Variants in MRNIP observed in about 807,000 individuals in gnomAD.
MRNIP encodes the protein MRN complex interacting protein.
In MRNIP, 30 loss-of-function variants were observed where a neutral mutation model predicts 29.8. The observed-to-expected ratio is 1.01, with a 90% CI of 0.75 to 1.36. The LOEUF (loss-of-function observed/expected upper bound fraction) is 1.36. Among genes scored for constraint, MRNIP ranks in the 40% most tolerant of loss-of-function variants. The pLI, the probability that MRNIP is intolerant of heterozygous loss-of-function variation, is 0.00. For synonymous variants in MRNIP, 201 were observed against 164.1 expected (o/e 1.23, Z -1.72); for missense variants, 459 against 423.5 (o/e 1.08, Z -0.74).
intron 3 of MRNIP, chr5:179,846,187 T>A (rs892347305): frequency 2.0e-5 from 3 of 152,238 alleles, no homozygotes; most frequent in African/African-American, 7.2e-5. Flanking sequence ...TTCTGACTGT[T>A]GATCTTTTGC....
chr5:179,839,302 G>T (rs1582037025), intron 6 of MRNIP: 1 of 150,890 alleles, frequency 6.6e-6, no homozygotes, highest in South Asian at 2.1e-4. Flanking sequence ...AAAGGGAAAA[G>T]CAATGTGAAA....
In MRNIP at chr5:179,844,705, C is replaced by T. The variant is rs934322288; in HGVS notation, c.216-478G>A. Among the ~76,000 whole-genome samples, 4 of 152,094 alleles carry T rather than the reference C, an allele frequency of 2.6e-5. No homozygotes were observed. In the East Asian group the frequency reaches 7.7e-4, roughly 29 times the overall value. On this transcript the variant is annotated intron_variant, in intron 3 of 6. Transcript: ENST00000292586. Reference sequence around the variant, plus strand: ...CCTCCCAAAGTGCTGGGATTACAAGCGTGAAGTACGCATCCAGCTGGTATT... The same window carrying T: ...CCTCCCAAAGTGCTGGGATTACAAGTGTGAAGTACGCATCCAGCTGGTATT...
At chr5:179,854,865 T>C (rs959691521) in intron 1 of MRNIP, among the ~76,000 whole-genome samples, 1 of 152,164 alleles carries the variant, frequency 6.6e-6, no homozygotes, top group Admixed American at 6.5e-5. Flanking sequence ...TCTTAACATA[T>C]AAAATGCCTA....
At chr5:179,855,132 T>G (rs1304515088) in intron 1 of MRNIP, among the ~76,000 whole-genome samples, 2 of 142,518 alleles carry the variant, frequency 1.4e-5, no homozygotes, top group Admixed American at 1.3e-4. Context: ...AAGCCAATTT[T>G]TTAATTTTAA....
In MRNIP at chr5:179,858,808, CA is replaced by C; in HGVS notation, c.-13del. 1 of 1,539,324 alleles carries C rather than the reference CA, an allele frequency of 6.5e-7. No individual in the cohort carries two copies. The highest frequency in any genetic ancestry group is 2.0e-5 in the Admixed American group (1 of 50,348). ...TGAAGCGACGCCATCCCTGCTTGTGCAGTCGCCAGGCAGCCAAGCGCGTGCG... is the reference window on the plus strand; with the variant it reads ...TGAAGCGACGCCATCCCTGCTTGTGCGTCGCCAGGCAGCCAAGCGCGTGCG... On this transcript the variant is annotated 5_prime_UTR_variant, in exon 1 of 7. Coordinates refer to ENST00000292586, the MANE Select transcript of MRNIP (RefSeq NM_016175.4).
intron 2 of MRNIP, among the ~76,000 whole-genome samples, chr5:179,852,285 CAA>C (rs76075703): frequency 1.9e-5 from 2 of 103,664 alleles, no homozygotes. Context: ...GACTCCATGT[CAA>C]AAAAAAAAAA....
chr5:179,840,600 G>A, intron 6 of MRNIP: 2 of 571,464 alleles, frequency 3.5e-6, no homozygotes, highest in East Asian at 3.0e-5. Flanking sequence ...CCATCGTCAG[G>A]TTGACCTGCT....
Position 179,842,068 on chromosome 5 carries a change from C to A in MRNIP, c.292-4G>T. The A allele has an allele frequency of 1.2e-6, 2 of 1,611,292 alleles. No homozygotes were observed. The highest frequency in any genetic ancestry group is 2.2e-5 in the South Asian group (2 of 90,550). ...TCTCTGAGGGCTGCGATTTTTCCTG[C>A]CAGATTGAGAAAAAAGTTGATTCTC... On this transcript the variant is annotated splice_region_variant and splice_polypyrimidine_tract_variant and intron_variant, in intron 4 of 6. Coordinates refer to ENST00000292586, the MANE Select transcript of MRNIP (RefSeq NM_016175.4).
At chr5:179,848,111 A>G (rs1271891147) in intron 2 of MRNIP, 45 bp from the exon 3 acceptor site, 1 of 1,449,764 alleles carries the variant, frequency 6.9e-7, no homozygotes, top group East Asian at 2.3e-5. Context: ...TGCTGGCAGA[A>G]TGCTGAGAAA....
At chr5:179,857,074 G>A (rs889261185) in intron 1 of MRNIP, among the ~76,000 whole-genome samples, 3 of 152,118 alleles carry the variant, frequency 2.0e-5, no homozygotes, top group African/African-American at 7.2e-5. Context: ...GCGACAAAGC[G>A]AGACCTTGTC....
chr5:179,856,456 C>T (rs984455452), intron 1 of MRNIP, among the ~76,000 whole-genome samples: 1 of 152,016 alleles, frequency 6.6e-6, no homozygotes, highest in Admixed American at 6.6e-5. Flanking sequence ...GACTTGCCGT[C>T]CTCTTTGGTT....
chr5:179,842,248 G>T (rs942241090), intron 4 of MRNIP, among the ~76,000 whole-genome samples, 184 bp from the exon 5 acceptor site: 6 of 152,104 alleles, frequency 3.9e-5, no homozygotes, highest in Admixed American at 2.6e-4. Context: ...AGTGCTCACT[G>T]GCACAGGCCT....
At position 179,837,527 on chromosome 5, in the gene MRNIP, G is replaced by T. The variant is rs2113528527; in HGVS notation, c.896C>A (p.Pro299His). 4 of 1,614,218 alleles carry T rather than the reference G, an allele frequency of 2.5e-6. No individual in the cohort carries two copies. The South Asian group carries it at 4.4e-5, about 18-fold the overall frequency. The change falls in exon 7 of 7, where the codon CCT (proline) becomes CAT (histidine). Residue 299 changes from proline (P) to histidine (H), a missense_variant. Pro to His is a moderately conservative substitution (Grantham distance 77, BLOSUM62 -2). Transcript: ENST00000292586. ...THPVTSGSER[P>H]CGKTSWDART... Reference sequence around the variant, plus strand: ...TGCGTCCCATGAGGTCTTCCCGCAAGGCCTCTCAGACCCAGATGTGACGGG... The same window carrying T: ...TGCGTCCCATGAGGTCTTCCCGCAATGCCTCTCAGACCCAGATGTGACGGG...
intron 4 of MRNIP, among the ~76,000 whole-genome samples, chr5:179,843,055 A>AAGGAAGGGAGGGAGGG (rs1259506383): frequency 2.5e-5 from 3 of 121,594 alleles, no homozygotes; most frequent in Non-Finnish European, 3.6e-5. Flanking sequence ...GGAAGGAAGG[A>AAGGAAGGGAGGGAGGG]AGGAAGGGAG....
chr5:179,857,679 T>A (rs9654546), intron 1 of MRNIP, among the ~76,000 whole-genome samples: 12,724 of 152,144 alleles, frequency 0.084, 683 homozygotes, highest in East Asian at 0.26. Context: ...TACAGACACA[T>A]ACTCAGCATC....
At position 179,844,143 on chromosome 5, in the gene MRNIP, GA is replaced by G. The variant is rs576776961; in HGVS notation, c.291+8del. 1,161 of 1,613,314 alleles carry G rather than the reference GA, an allele frequency of 7.2e-4. 2 individuals carry two copies. The highest frequency in any genetic ancestry group is 9.6e-4 in the South Asian group (87 of 91,060). On this transcript the variant is annotated splice_region_variant and intron_variant, in intron 4 of 6. Coordinates refer to ENST00000292586, the MANE Select transcript of MRNIP (RefSeq NM_016175.4). Reference sequence around the variant, plus strand: ...GAGCCAGCCTGGGGCAGGTGGGCCTGAGGCTTACCTGCTGCTTCACATTCCC... The same window carrying G: ...GAGCCAGCCTGGGGCAGGTGGGCCTGGGCTTACCTGCTGCTTCACATTCCC...
At chr5:179,840,675 G>A (rs969945384) in intron 6 of MRNIP, 197 bp downstream of exon 6, 7 of 605,560 alleles carry the variant, frequency 1.2e-5, no homozygotes, top group Admixed American at 5.6e-5. Flanking sequence ...CATGGGAGAC[G>A]AGAGGCATGG....
chr5:179,847,631 G>C (rs981206498), intron 3 of MRNIP: 12 of 206,364 alleles, frequency 5.8e-5, no homozygotes, highest in African/African-American at 2.8e-4. Flanking sequence ...TGTCCTACCA[G>C]GGCCTCTCTG....
At chr5:179,851,642 A>G (rs1055521868) in intron 2 of MRNIP, among the ~76,000 whole-genome samples, 1 of 151,236 alleles carries the variant, frequency 6.6e-6, no homozygotes, top group Non-Finnish European at 1.5e-5. Flanking sequence ...TTTATTTTTT[A>G]ACTTTGCTGA....
Sources: gnomAD v4.1 joint callset for allele counts (sites outside exome capture counted in the v4.1 genomes callset) on GRCh38, gnomAD v4.1.1 for gene constraint, MANE v1.5 for transcripts, NCBI Gene and HGNC (gene_info 2026-07-23, HGNC 2026-07-21) for gene names.